Variants in RB1CC1 observed in about 807,000 individuals in gnomAD.
RB1CC1 encodes RB1-inducible coiled-coil protein 1.
RB1CC1 carries 46 observed loss-of-function variants against 177.5 expected under a neutral mutation model. The ratio of observed to expected loss-of-function variants is 0.26; its 90% CI spans 0.20 to 0.33. The LOEUF (loss-of-function observed/expected upper bound fraction) is 0.33. Among genes scored for constraint, RB1CC1 ranks in the 10% least tolerant of loss-of-function variants. The pLI, the probability that RB1CC1 is intolerant of heterozygous loss-of-function variation, is 1.00. For missense variants in RB1CC1, 1,703 were observed against 1,816.3 expected (o/e 0.94, Z 1.13); for synonymous variants, 666 against 613.6 (o/e 1.09, Z -1.26).
intron 20 of RB1CC1, among the ~76,000 whole-genome samples, chr8:52,633,109 C>A (rs1035983464): frequency 1.3e-5 from 2 of 152,180 alleles, no homozygotes; most frequent in African/African-American, 2.4e-5. Context: ...GAACATCTTA[C>A]ACATACTGGT....
At chr8:52,703,432 C>A (rs563130986) in intron 1 of RB1CC1, among the ~76,000 whole-genome samples, 1 of 152,306 alleles carries the variant, frequency 6.6e-6, no homozygotes, top group East Asian at 1.9e-4. Flanking sequence ...TAGACTGACA[C>A]TCCACTATTT....
chr8:52,655,835 C>CT (rs1851040774), intron 15 of RB1CC1, among the ~76,000 whole-genome samples, 173 bp downstream of exon 15: 1 of 152,100 alleles, frequency 6.6e-6, no homozygotes, highest in African/African-American at 2.4e-5. Flanking sequence ...TGGATTTAGT[C>CT]TGTTATTTCT....
At chr8:52,651,277 G>A (rs1161612504) in intron 15 of RB1CC1, among the ~76,000 whole-genome samples, 1 of 152,170 alleles carries the variant, frequency 6.6e-6, no homozygotes, top group Non-Finnish European at 1.5e-5. Flanking sequence ...ATGAAAATGA[G>A]ATGGCAAAAT....
chr8:52,697,295 T>TAAA (rs35428453), intron 1 of RB1CC1, among the ~76,000 whole-genome samples: 2,476 of 87,806 alleles, frequency 0.028, 88 homozygotes, highest in African/African-American at 0.1. Context: ...AAATGGTTAC[T>TAAA]AAAAAAAAAA....
At chr8:52,661,309 C>T (rs1417768338) in intron 9 of RB1CC1, 28 bp from the exon 10 acceptor site, 3 of 1,602,992 alleles carry the variant, frequency 1.9e-6, no homozygotes, top group Admixed American at 1.8e-5. Flanking sequence ...TTATTTTCAA[C>T]ATTCACAAAA....
At chr8:52,645,124 C>T (rs1346115530) in intron 16 of RB1CC1, among the ~76,000 whole-genome samples, 1 of 152,136 alleles carries the variant, frequency 6.6e-6, no homozygotes, top group East Asian at 1.9e-4. Context: ...ACTTCACAAG[C>T]ACTACCTCTT....
chr8:52,637,613 G>T (rs1849246868), intron 18 of RB1CC1, among the ~76,000 whole-genome samples: 1 of 152,004 alleles, frequency 6.6e-6, no homozygotes, highest in African/African-American at 2.4e-5. Context: ...AAAAGATCAG[G>T]CTATGTATGC....
At chr8:52,710,881 T>A (rs531789115) in intron 1 of RB1CC1, among the ~76,000 whole-genome samples, 1 of 152,182 alleles carries the variant, frequency 6.6e-6, no homozygotes, top group Non-Finnish European at 1.5e-5. Flanking sequence ...TAAAAGCCGT[T>A]ATATTACTGT....
intron 1 of RB1CC1, among the ~76,000 whole-genome samples, chr8:52,703,313 A>G (rs6994025): frequency 0.72 from 109,430 of 151,930 alleles, 39,863 homozygotes; most frequent in East Asian, 0.83. Flanking sequence ...TACTATCTGC[A>G]GATTCCATCT....
rs1849114502 is a variant in RB1CC1, at chr8:52,635,998, G to A, written c.4392+17C>T. ...GAACATATTAAACATGGTACTTCAA[G>A]AAGATAATTTACTTACTCGTTCTAA... On this transcript the variant is annotated intron_variant, in intron 19 of 23. Transcript: ENST00000025008. 2 of 1,604,178 alleles carry A rather than the reference G, an allele frequency of 1.2e-6. No individual in the cohort carries two copies. The highest frequency in any genetic ancestry group is 4.5e-5 in the East Asian group (2 of 44,480).
chr8:52,692,312 C>T (rs1406113990), intron 1 of RB1CC1, among the ~76,000 whole-genome samples: 6 of 152,084 alleles, frequency 3.9e-5, no homozygotes, highest in Admixed American at 3.3e-4. Context: ...ATGATACCTA[C>T]TTTCAGGGGG....
At chr8:52,631,348 G>A (rs545239821) in intron 20 of RB1CC1, among the ~76,000 whole-genome samples, 2 of 152,260 alleles carry the variant, frequency 1.3e-5, no homozygotes, top group African/African-American at 2.4e-5. Context: ...AAGCGCCTAT[G>A]GTCCCAGCTA....
At chr8:52,690,999 T>G (rs1223016866) in intron 1 of RB1CC1, among the ~76,000 whole-genome samples, 2 of 152,224 alleles carry the variant, frequency 1.3e-5, no homozygotes, top group Non-Finnish European at 2.9e-5. Context: ...TATCAAATCA[T>G]AAAATTTAAC....
In RB1CC1 at chr8:52,657,988, T is replaced by C. The variant is rs752358522; in HGVS notation, c.1920+10A>G. 17 of 1,613,610 alleles carry C rather than the reference T, an allele frequency of 1.1e-5. No homozygotes were observed. Among genetic ancestry groups the C allele is most frequent in the East Asian group, 2.2e-5 (1 of 44,864 alleles). On this transcript the variant is annotated intron_variant, in intron 14 of 23. Coordinates refer to ENST00000025008, the MANE Select transcript of RB1CC1 (RefSeq NM_014781.5). The stretch of plus-strand genomic sequence containing the variant: ...TAATGAAGAAAACTGTTTGAAAGAA[T>C]TGAATTTGCCTTTTGTTCACTCAGT...
intron 15 of RB1CC1, among the ~76,000 whole-genome samples, chr8:52,649,099 A>G: frequency 6.6e-6 from 1 of 152,220 alleles, no homozygotes; most frequent in Admixed American, 6.5e-5. Flanking sequence ...GGGTAAGTGA[A>G]ACCATAAGAG....
At chr8:52,624,401 TC>T (rs1196240513) in intron 23 of RB1CC1, among the ~76,000 whole-genome samples, 5 of 151,974 alleles carry the variant, frequency 3.3e-5, no homozygotes, top group African/African-American at 1.2e-4. Flanking sequence ...TAAATAAAAT[TC>T]CCTTTTTGTC....
chr8:52,623,899 A>G, intron 23 of RB1CC1, 40 bp from the exon 24 acceptor site: 1 of 1,299,142 alleles, frequency 7.7e-7, no homozygotes, highest in Non-Finnish European at 1.1e-6. Context: ...AGAGTGATTA[A>G]ACCACATCTC....
At chr8:52,674,341 AT>A (rs1852885363) in intron 6 of RB1CC1, 67 bp from the exon 7 acceptor site, 1 of 1,314,732 alleles carries the variant, frequency 7.6e-7, no homozygotes. Context: ...GCATGTTTGA[AT>A]GAAATCACAT....
At chr8:52,664,254 C>T (rs1370967405) in intron 8 of RB1CC1, among the ~76,000 whole-genome samples, 4 of 152,192 alleles carry the variant, frequency 2.6e-5, no homozygotes, top group Admixed American at 2.0e-4. Flanking sequence ...CATTCAGGCA[C>T]ACTCAATTGA....
Sources: allele counts gnomAD v4.1 joint callset (sites outside exome capture counted in the v4.1 genomes callset), GRCh38; gene constraint gnomAD v4.1.1; transcripts MANE v1.5; gene names NCBI Gene and HGNC (gene_info 2026-07-23, HGNC 2026-07-21).